HIPK2: variants seen among roughly 807,000 people sequenced by gnomAD.
The protein encoded by HIPK2 is homeodomain-interacting protein kinase 2.
A neutral mutation model predicts 113.7 loss-of-function variants in HIPK2; 27 were observed. The observed-to-expected ratio is 0.24, with a 90% CI of 0.17 to 0.33. The LOEUF (loss-of-function observed/expected upper bound fraction) is 0.33. Ranked by LOEUF, HIPK2 falls within the 10% of genes least tolerant of loss-of-function variation. The pLI is 1.00. For synonymous variants in HIPK2, 631 were observed against 642.2 expected, an observed-to-expected ratio of 0.98 and a Z score of 0.26; for missense variants, 1,257 against 1,588.0, an observed-to-expected ratio of 0.79 and a Z score of 3.54.
At chr7:139,771,921 C>T (rs1317139105) in intron 1 of HIPK2, among the ~76,000 whole-genome samples, 1 of 152,204 alleles carries the variant, frequency 6.6e-6, no homozygotes, top group African/African-American at 2.4e-5. Flanking sequence ...GGCGAGATTT[C>T]AGCCAGGCCC....
At chr7:139,574,193 C>T (rs2079650) in intron 14 of HIPK2, among the ~76,000 whole-genome samples, 1 of 152,126 alleles carries the variant, frequency 6.6e-6, no homozygotes, top group Non-Finnish European at 1.5e-5. Flanking sequence ...AAATTATTGG[C>T]TCTCACAACA....
chr7:139,754,814 T>G (rs1796338612), intron 1 of HIPK2, among the ~76,000 whole-genome samples: 1 of 152,038 alleles, frequency 6.6e-6, no homozygotes, highest in African/African-American at 2.4e-5. Context: ...GATGATGGAA[T>G]TCGAAAGCTA....
intron 2 of HIPK2, among the ~76,000 whole-genome samples, chr7:139,680,409 G>A (rs1179741417): frequency 1.3e-5 from 2 of 152,202 alleles, no homozygotes; most frequent in Admixed American, 1.3e-4. Context: ...GTCAACTCTG[G>A]TTTTGGGATC....
intron 7 of HIPK2, among the ~76,000 whole-genome samples, chr7:139,616,982 T>C (rs537645236): frequency 6.6e-6 from 1 of 152,360 alleles, no homozygotes; most frequent in African/African-American, 2.4e-5. Context: ...CAAGGACAAA[T>C]GGCACTTGTG....
chr7:139,659,372 T>C (rs1801786915), intron 2 of HIPK2, among the ~76,000 whole-genome samples: 2 of 152,352 alleles, frequency 1.3e-5, no homozygotes, highest in South Asian at 4.1e-4. Flanking sequence ...TCCGATTCTT[T>C]CTGCACCCTT....
At chr7:139,586,735 G>C (rs139490518) in intron 12 of HIPK2, among the ~76,000 whole-genome samples, 59 of 151,974 alleles carry the variant, frequency 3.9e-4, no homozygotes, top group African/African-American at 1.3e-3. Context: ...CTCCAGCCTG[G>C]GTGTCAGAGT....
chr7:139,664,041 C>G (rs1282583023), intron 2 of HIPK2, among the ~76,000 whole-genome samples: 1 of 152,208 alleles, frequency 6.6e-6, no homozygotes, highest in Non-Finnish European at 1.5e-5. Context: ...GTACCGAGTC[C>G]CTGACGACCC....
intron 2 of HIPK2, among the ~76,000 whole-genome samples, chr7:139,656,614 G>C (rs1229280470): frequency 6.6e-6 from 1 of 152,076 alleles, no homozygotes; most frequent in African/African-American, 2.4e-5. Flanking sequence ...CTTTCCTCAA[G>C]AACCAACTTG....
chr7:139,723,904 A>G (rs927547504), intron 1 of HIPK2, among the ~76,000 whole-genome samples: 2 of 152,224 alleles, frequency 1.3e-5, no homozygotes, highest in African/African-American at 2.4e-5. Context: ...GAATGGAATC[A>G]TGAACACCTG....
At chr7:139,765,320 A>G (rs1236859280) in intron 1 of HIPK2, among the ~76,000 whole-genome samples, 2 of 152,130 alleles carry the variant, frequency 1.3e-5, no homozygotes, top group African/African-American at 2.4e-5. Flanking sequence ...TAACCTTAAC[A>G]TTTGGGGAAT....
At position 139,575,197 on chromosome 7, in the gene HIPK2, T is replaced by A. The variant is rs1223809356; in HGVS notation, c.3057A>T (p.Gly1019=). ...TSGHSSGSSS[G]AITYRQQRPG... ...GCCGCTGCTGCCGGTAGGTGATGGC[T>A]CCAGATGAGCTCCCTGAAGAGTGAC... The change falls in exon 14 of 15, where the codon GGA becomes GGT. Residue 1019 remains glycine, a synonymous_variant. Transcript: ENST00000406875. 6.3e-7 allele frequency: 1 copy of A among 1,588,654 alleles called. No homozygotes were observed. The highest frequency in any genetic ancestry group is 1.2e-5 in the South Asian group (1 of 86,856).
At chr7:139,742,761 G>A (rs912949882) in intron 1 of HIPK2, among the ~76,000 whole-genome samples, 1 of 152,196 alleles carries the variant, frequency 6.6e-6, no homozygotes, top group African/African-American at 2.4e-5. Flanking sequence ...ACTCATCATA[G>A]ACAGCTGTTC....
intron 1 of HIPK2, among the ~76,000 whole-genome samples, chr7:139,728,116 A>T (rs1795643952): frequency 6.6e-6 from 1 of 151,006 alleles, no homozygotes; most frequent in African/African-American, 2.4e-5. Context: ...ATTTATTTTT[A>T]TTTTTTTATA....
At chr7:139,627,433 G>A (rs189482405) in intron 5 of HIPK2, among the ~76,000 whole-genome samples, 75 of 152,252 alleles carry the variant, frequency 4.9e-4, no homozygotes, top group African/African-American at 1.7e-3. Context: ...CCCAGTTAGG[G>A]CCAGAATTAT....
chr7:139,600,305 C>G, intron 11 of HIPK2, 112 bp downstream of exon 11: 1 of 1,231,548 alleles, frequency 8.1e-7, no homozygotes. Context: ...GTGCCCCCAT[C>G]CCATGCAACT....
intron 1 of HIPK2, among the ~76,000 whole-genome samples, chr7:139,756,821 C>G (rs1796371216): frequency 6.6e-6 from 1 of 152,212 alleles, no homozygotes; most frequent in Non-Finnish European, 1.5e-5. Context: ...ACGCATGCAT[C>G]AACTATACTC....
chr7:139,659,721 A>C (rs1169831820), intron 2 of HIPK2, among the ~76,000 whole-genome samples: 2 of 151,560 alleles, frequency 1.3e-5, no homozygotes, highest in Admixed American at 1.3e-4. Flanking sequence ...TCTCCAGCCC[A>C]CGAACTTCTG....
intron 2 of HIPK2, among the ~76,000 whole-genome samples, chr7:139,643,975 C>T (rs150101126): frequency 6.6e-6 from 1 of 152,118 alleles, no homozygotes; most frequent in African/African-American, 2.4e-5. Context: ...GTTCTGACCT[C>T]CCAGCACTCT....
At chr7:139,686,380 T>C (rs114439111) in intron 2 of HIPK2, among the ~76,000 whole-genome samples, 21,511 of 152,248 alleles carry the variant, frequency 0.14, 1,677 homozygotes, top group Middle Eastern at 0.19. Flanking sequence ...GTTGAAATGA[T>C]AACAAAGGAT....
Sources: allele counts gnomAD v4.1 joint callset (sites outside exome capture counted in the v4.1 genomes callset), GRCh38; gene constraint gnomAD v4.1.1; transcripts MANE v1.5; gene names NCBI Gene and HGNC (gene_info 2026-07-23, HGNC 2026-07-21).